Variants in ALMS1 observed in about 807,000 individuals in gnomAD.
The protein encoded by ALMS1 is centrosome-associated protein ALMS1.
A neutral mutation model predicts 352.2 loss-of-function variants in ALMS1; 271 were observed. The ratio of observed to expected loss-of-function variants is 0.77; its 90% CI spans 0.70 to 0.85. The LOEUF (loss-of-function observed/expected upper bound fraction) is 0.85, where lower values mean the gene tolerates loss of function less well. Among genes scored for constraint, ALMS1 ranks in the 40% least tolerant of loss-of-function variants. ALMS1 has a pLI of 0.00. For synonymous variants in ALMS1, 1,865 were observed against 1,761.2 expected (o/e 1.06, Z -1.48); for missense variants, 5,445 against 4,870.7 (o/e 1.12, Z -3.51).
chr2:73,445,628 C>T (rs1479398620), intron 7 of ALMS1, among the ~76,000 whole-genome samples: 3 of 100,708 alleles, frequency 3.0e-5, no homozygotes, highest in Non-Finnish European at 4.0e-5. Context: ...GAAATAAAAC[C>T]GTGCTGTCTT....
chr2:73,577,880 T>C (rs1048562003), intron 16 of ALMS1, among the ~76,000 whole-genome samples: 2 of 152,202 alleles, frequency 1.3e-5, no homozygotes, highest in African/African-American at 4.8e-5. Context: ...GTGTTCTCTA[T>C]TGTGTTAGGT....
rs759574394 is a variant in ALMS1 at position 73,489,650 on chromosome 2, G to A, written c.7691G>A (p.Arg2564Gln). ...TDLSKGLQSP[R>Q]GMGCKPEAVC... Reference sequence around the variant, plus strand: ...ATCTTCTAGGGTTTACAGAGTCCACGGGGAATGGGATGCAAGCCAGAAGCT... The same window carrying A: ...ATCTTCTAGGGTTTACAGAGTCCACAGGGAATGGGATGCAAGCCAGAAGCT... The change falls in exon 10 of 23, where the codon CGG (arginine) becomes CAG (glutamine). Residue 2564 changes from arginine to glutamine, a missense_variant. Physicochemically the swap from Arg to Gln is conservative, Grantham distance 43. Transcript: ENST00000613296. 5 of 1,614,098 alleles carry A rather than the reference G, an allele frequency of 3.1e-6. No homozygotes were observed. The highest frequency in any genetic ancestry group is 1.1e-5 in the South Asian group (1 of 91,074).
At chr2:73,502,768 A>G (rs915249940) in intron 10 of ALMS1, among the ~76,000 whole-genome samples, 1 of 152,128 alleles carries the variant, frequency 6.6e-6, no homozygotes, top group East Asian at 1.9e-4. Flanking sequence ...TTTAATCAGC[A>G]TTTGAAAACA....
At chr2:73,466,661 T>C (rs1192892017) in intron 9 of ALMS1, among the ~76,000 whole-genome samples, 1 of 151,812 alleles carries the variant, frequency 6.6e-6, no homozygotes, top group Non-Finnish European at 1.5e-5. Flanking sequence ...ATAAAAAAAT[T>C]CTAAGTGGTT....
chr2:73,448,268 C>T lies in ALMS1; in HGVS notation c.1741C>T (p.Pro581Ser). 6.2e-7 allele frequency: 1 copy of T among 1,613,946 alleles called. No individual in the cohort carries two copies. Among genetic ancestry groups the T allele is most frequent in the Non-Finnish European group, 8.5e-7 (1 of 1,179,918 alleles). Reference sequence around the variant, plus strand: ...TAGTTCCCACTCACATAGGGGGAAGCCCAGCATTTTCTACCAGCAGGGCTT... The same window carrying T: ...TAGTTCCCACTCACATAGGGGGAAGTCCAGCATTTTCTACCAGCAGGGCTT... ...LSSSHSHRGK[P>S]SIFYQQGLPD... Residue 581 changes from proline to serine, a missense_variant, in exon 8 of 23, where the codon CCC (proline) becomes TCC (serine). By Grantham distance (74) the Pro-to-Ser change is moderately conservative. Coordinates refer to ENST00000613296, the MANE Select transcript of ALMS1 (RefSeq NM_001378454.1).
Position 73,576,153 on chromosome 2 carries a change from C to G in ALMS1, c.11547+2729C>G, listed in dbSNP as rs990629423. ...ATACGTGAGGGTTTTTATCTGGGCT[C>G]TCTATTCTGTTAGTCTATATATCTC... On this transcript the variant is annotated intron_variant, in intron 16 of 22. Transcript: ENST00000613296. Among the ~76,000 whole-genome samples, 3 of 152,238 alleles carry G rather than the reference C, an allele frequency of 2.0e-5. No homozygotes were observed. The East Asian group carries it at 5.8e-4, about 29-fold the overall frequency.
intron 16 of ALMS1, among the ~76,000 whole-genome samples, chr2:73,594,980 A>C (rs1032028142): frequency 6.6e-6 from 1 of 152,208 alleles, no homozygotes; most frequent in Admixed American, 6.5e-5. Flanking sequence ...ACCACCTTCC[A>C]TTCAGTGACT....
At chr2:73,430,501 A>G (rs546112643) in intron 6 of ALMS1, among the ~76,000 whole-genome samples, 3 of 152,166 alleles carry the variant, frequency 2.0e-5, no homozygotes, top group South Asian at 4.1e-4. Context: ...ACTGCTGTAA[A>G]CTATAAACAC....
intron 17 of ALMS1, among the ~76,000 whole-genome samples, chr2:73,599,963 T>A (rs554153766): frequency 6.6e-6 from 1 of 152,334 alleles, no homozygotes; most frequent in African/African-American, 2.4e-5. Flanking sequence ...AGCTGAATGA[T>A]TACATAAATT....
At chr2:73,408,951 C>T (rs1385486277) in intron 2 of ALMS1, among the ~76,000 whole-genome samples, 1 of 144,570 alleles carries the variant, frequency 6.9e-6, no homozygotes, top group Non-Finnish European at 1.5e-5. Flanking sequence ...TAGCTTACTG[C>T]ACCCTCCAAC....
intron 16 of ALMS1, among the ~76,000 whole-genome samples, chr2:73,590,924 C>T (rs1573045368): frequency 1.3e-5 from 2 of 152,024 alleles, no homozygotes; most frequent in East Asian, 3.9e-4. Context: ...TGTGATCTGC[C>T]CACAGCCTCC....
In ALMS1 at chr2:73,491,169, A is replaced by G. The variant is rs541511993; in HGVS notation, c.9210A>G (p.Ser3070=). 1.5e-5 allele frequency: 25 copies of G among 1,614,180 alleles called. No individual in the cohort carries two copies. The highest frequency in any genetic ancestry group is 9.3e-5 in the African/African-American group (7 of 75,066). ...DSGTLDERFH[S]LDAASKARMN... Reference sequence around the variant, plus strand: ...GAACTTTAGATGAAAGATTCCATTCATTGGATGCTGCTTCTAAAGCGAGGA... The same window carrying G: ...GAACTTTAGATGAAAGATTCCATTCGTTGGATGCTGCTTCTAAAGCGAGGA... The change falls in exon 10 of 23, where the codon TCA becomes TCG. Residue 3070 remains serine, a synonymous_variant. Transcript: ENST00000613296.
chr2:73,462,213 C>A (rs1214405049), intron 9 of ALMS1, among the ~76,000 whole-genome samples: 1 of 152,084 alleles, frequency 6.6e-6, no homozygotes. Context: ...AGAGAAAGGT[C>A]GGATTACCCA....
At chr2:73,560,802 AAAAT>A (rs1674643736) in intron 15 of ALMS1, among the ~76,000 whole-genome samples, 1 of 152,254 alleles carries the variant, frequency 6.6e-6, no homozygotes, top group Non-Finnish European at 1.5e-5. Flanking sequence ...TATACTAAGT[AAAAT>A]AAATCAGTCA....
At chr2:73,524,145 G>C (rs1673741911) in intron 11 of ALMS1, among the ~76,000 whole-genome samples, 1 of 152,190 alleles carries the variant, frequency 6.6e-6, no homozygotes, top group Non-Finnish European at 1.5e-5. Flanking sequence ...TATGATTCTA[G>C]AATGGAAGGC....
chr2:73,599,933 GA>G (rs1675637651), intron 17 of ALMS1, among the ~76,000 whole-genome samples: 1 of 152,192 alleles, frequency 6.6e-6, no homozygotes, highest in South Asian at 2.1e-4. Context: ...AGATTAAAGT[GA>G]ATTTAGGTGT....
At chr2:73,562,845 C>G (rs1318334375) in intron 15 of ALMS1, among the ~76,000 whole-genome samples, 1 of 151,934 alleles carries the variant, frequency 6.6e-6, no homozygotes, top group African/African-American at 2.4e-5. Context: ...TGAGATCATG[C>G]CATTGCACTC....
Position 73,491,166 on chromosome 2 carries a change from T to C in ALMS1, c.9207T>C (p.His3069=), listed in dbSNP as rs765463346. 1 of 1,614,204 alleles carries C rather than the reference T, an allele frequency of 6.2e-7. No homozygotes were observed. Among genetic ancestry groups the C allele is most frequent in the Non-Finnish European group, 8.5e-7 (1 of 1,180,014 alleles). The change falls in exon 10 of 23, where the codon CAT becomes CAC. Residue 3069 remains histidine, a synonymous_variant. Coordinates refer to ENST00000613296, the MANE Select transcript of ALMS1 (RefSeq NM_001378454.1). ...LDSGTLDERF[H]SLDAASKARM... is the part of the protein sequence containing the mutation. ...GTGGAACTTTAGATGAAAGATTCCATTCATTGGATGCTGCTTCTAAAGCGA... is the reference window on the plus strand; with the variant it reads ...GTGGAACTTTAGATGAAAGATTCCACTCATTGGATGCTGCTTCTAAAGCGA...
chr2:73,442,624 A>G (rs562212725), intron 7 of ALMS1, among the ~76,000 whole-genome samples: 61 of 152,200 alleles, frequency 4.0e-4, no homozygotes, highest in Non-Finnish European at 7.1e-4. Flanking sequence ...ATTGTTTGCT[A>G]ACTGAAGAGT....
Sources: gnomAD v4.1 joint callset for allele counts (sites outside exome capture counted in the v4.1 genomes callset) on GRCh38, gnomAD v4.1.1 for gene constraint, MANE v1.5 for transcripts, NCBI Gene and HGNC (gene_info 2026-07-23, HGNC 2026-07-21) for gene names.